HPGDS: variants seen among roughly 807,000 people sequenced by gnomAD.
HPGDS encodes the protein hematopoietic prostaglandin D synthase.
A neutral mutation model predicts 23.1 loss-of-function variants in HPGDS; 26 were observed. The ratio of observed to expected loss-of-function variants is 1.13; its 90% CI spans 0.83 to 1.56. The LOEUF is 1.56. Ranked by LOEUF, HPGDS falls within the 40% of genes most tolerant of loss-of-function variation. The pLI is 0.00. For missense variants in HPGDS, 268 were observed against 236.4 expected (o/e 1.13, Z -0.88); for synonymous variants, 95 against 77.9 (o/e 1.22, Z -1.16).
At chr4:94,328,757 A>T (rs906025491) in intron 2 of HPGDS, among the ~76,000 whole-genome samples, 6 of 152,192 alleles carry the variant, frequency 3.9e-5, no homozygotes, top group African/African-American at 1.4e-4. Flanking sequence ...ATACTTTGCC[A>T]TGTGTATTGA....
At chr4:94,299,958 C>T (rs1234021761) in intron 5 of HPGDS, among the ~76,000 whole-genome samples, 1 of 152,140 alleles carries the variant, frequency 6.6e-6, no homozygotes, top group East Asian at 1.9e-4. Context: ...ATACATTTTC[C>T]TTATCCAATA....
At chr4:94,335,433 G>A (rs1720982318) in intron 1 of HPGDS, among the ~76,000 whole-genome samples, 1 of 152,136 alleles carries the variant, frequency 6.6e-6, no homozygotes, top group Non-Finnish European at 1.5e-5. Context: ...TTTATAAATG[G>A]TTAATGACTT....
intron 1 of HPGDS, among the ~76,000 whole-genome samples, chr4:94,339,448 T>C (rs1721090030): frequency 2.0e-5 from 3 of 152,308 alleles, no homozygotes; most frequent in Admixed American, 1.3e-4. Context: ...AGCAGATAGA[T>C]AAAAAGCTCA....
At chr4:94,326,411 TTTTA>T (rs1756632501) in intron 2 of HPGDS, among the ~76,000 whole-genome samples, 1 of 152,162 alleles carries the variant, frequency 6.6e-6, no homozygotes, top group South Asian at 2.1e-4. Flanking sequence ...TTTTTCATTC[TTTTA>T]TTTTTTTCTT....
At chr4:94,334,233 C>G (rs1756784275) in intron 2 of HPGDS, 1 of 281,070 alleles carries the variant, frequency 3.6e-6, no homozygotes, top group African/African-American at 2.2e-5. Flanking sequence ...AACAAACAAA[C>G]AATGTCGCAT....
chr4:94,329,830 G>C (rs933700553), intron 2 of HPGDS, among the ~76,000 whole-genome samples: 12 of 152,198 alleles, frequency 7.9e-5, no homozygotes, highest in African/African-American at 2.9e-4. Context: ...AATAATCCCA[G>C]TGTTGTTGGA....
Position 94,309,728 on chromosome 4 carries a change from T to C in HPGDS, c.227-985A>G, listed in dbSNP as rs1399137237. ...ACACTGACTTCCACAATGGTTGAAC[T>C]AGTTTACAGTCCCACCAACAGTGTA... On this transcript the variant is annotated intron_variant, in intron 3 of 5. Coordinates refer to ENST00000295256, the MANE Select transcript of HPGDS (RefSeq NM_014485.3). 3.3e-5 allele frequency among the ~76,000 whole-genome samples: 5 copies of C among 151,880 alleles called. 1 individual carries two copies. The highest frequency in any genetic ancestry group is 4.2e-4 in the South Asian group (2 of 4,806).
At chr4:94,308,244 G>A (rs958127023) in intron 4 of HPGDS, among the ~76,000 whole-genome samples, 4 of 152,110 alleles carry the variant, frequency 2.6e-5, no homozygotes, top group South Asian at 2.1e-4. Flanking sequence ...TGTTATCTTG[G>A]TACTTAAAAC....
intron 3 of HPGDS, among the ~76,000 whole-genome samples, chr4:94,313,503 A>G (rs2126038556): frequency 6.6e-6 from 1 of 152,312 alleles, no homozygotes; most frequent in African/African-American, 2.4e-5. Flanking sequence ...CTGCTGAGAG[A>G]TCAGCTGTTA....
In HPGDS at chr4:94,299,338, A is replaced by G; in HGVS notation, c.*142T>C. On this transcript the variant is annotated 3_prime_UTR_variant, in exon 6 of 6. Transcript: ENST00000295256. ...AAGATTTGTTTTTATTTTCCTTTTT[A>G]AAAATCAGAATATGGCTAAAGTGAA... 1 of 683,276 alleles carries G rather than the reference A, an allele frequency of 1.5e-6. No individual in the cohort carries two copies. Among genetic ancestry groups the G allele is most frequent in the Non-Finnish European group, 2.3e-6 (1 of 432,288 alleles). The allele number at this position is 683,276 out of a possible 1,614,324, so 42.3% of individuals were successfully genotyped here.
At chr4:94,331,035 T>C (rs1756726516) in intron 2 of HPGDS, among the ~76,000 whole-genome samples, 1 of 152,158 alleles carries the variant, frequency 6.6e-6, no homozygotes, top group Non-Finnish European at 1.5e-5. Context: ...AACAACCAGA[T>C]TGGTTACAGC....
At chr4:94,318,709 A>T (rs964178997) in intron 2 of HPGDS, among the ~76,000 whole-genome samples, 1 of 152,060 alleles carries the variant, frequency 6.6e-6, no homozygotes. Context: ...TCTGTAGCTT[A>T]TGGATTAAAA....
Position 94,320,003 on chromosome 4 carries a change from C to T in HPGDS, c.134-2038G>A, listed in dbSNP as rs1292860490. On this transcript the variant is annotated intron_variant, in intron 2 of 5. Transcript: ENST00000295256. ...TTCAGTTCCCACCTATGAGTGAGAA[C>T]ATGCAGTGTTTGGTTTTCTGTCCTT... Among the ~76,000 whole-genome samples, 8 of 152,264 alleles carry T rather than the reference C, an allele frequency of 5.3e-5. No homozygotes were observed. The South Asian group carries it at 8.3e-4, about 16-fold the overall frequency.
At chr4:94,320,802 A>G (rs1265798538) in intron 2 of HPGDS, among the ~76,000 whole-genome samples, 1 of 152,126 alleles carries the variant, frequency 6.6e-6, no homozygotes, top group Non-Finnish European at 1.5e-5. Context: ...TTTTGTTGCC[A>G]TTGCTTTTGG....
chr4:94,339,962 C>A (rs1031166202), intron 1 of HPGDS, among the ~76,000 whole-genome samples: 3 of 152,124 alleles, frequency 2.0e-5, no homozygotes, highest in Admixed American at 2.0e-4. Flanking sequence ...CCTTCCTCTT[C>A]CGCTATGATG....
Position 94,317,390 on chromosome 4 carries a change from C to G in HPGDS, c.226+483G>C, listed in dbSNP as rs1280394057. On this transcript the variant is annotated intron_variant, in intron 3 of 5. Coordinates refer to ENST00000295256, the MANE Select transcript of HPGDS (RefSeq NM_014485.3). The stretch of plus-strand genomic sequence containing the variant: ...TGCAACAATCCGGAAGCCAAGTATC[C>G]CCTTCAAGTTTCCTCAGATGGCACT... Among the ~76,000 whole-genome samples, 3 of 152,070 alleles carry G rather than the reference C, an allele frequency of 2.0e-5. No homozygotes were observed. The East Asian group carries it at 5.8e-4, about 29-fold the overall frequency.
At chr4:94,341,538 A>G (rs1227543897) in intron 1 of HPGDS, among the ~76,000 whole-genome samples, 1 of 152,254 alleles carries the variant, frequency 6.6e-6, no homozygotes, top group African/African-American at 2.4e-5. Context: ...CAAATGAGGA[A>G]TTAAGTATTG....
chr4:94,312,555 C>T lies in HPGDS; in HGVS notation c.227-3812G>A, dbSNP rs1415561997. 2.6e-5 allele frequency among the ~76,000 whole-genome samples: 4 copies of T among 152,282 alleles called. No homozygotes were observed. In the East Asian group the frequency reaches 5.8e-4, roughly 22 times the overall value. On this transcript the variant is annotated intron_variant, in intron 3 of 5. Transcript: ENST00000295256. ...ACATTTGCTGAGGAGTGCTTTACTT[C>T]CAACTATGTGGTCAACTTTGGAGTA...
Position 94,299,346 on chromosome 4 carries a change from G to A in HPGDS, c.*134C>T. The A allele has an allele frequency of 1.4e-6, 1 of 727,450 alleles. No individual in the cohort carries two copies. The highest frequency in any genetic ancestry group is 2.1e-6 in the Non-Finnish European group (1 of 466,540). The allele number at this position is 727,450 out of a possible 1,614,324, so 45.1% of individuals were successfully genotyped here. A position where few individuals can be genotyped will look rare whatever the true frequency, so the allele number is the denominator to read the frequency against. ...TTTTTATTTTCCTTTTTAAAAATCAGAATATGGCTAAAGTGAAAATCTTAG... is the reference window on the plus strand; with the variant it reads ...TTTTTATTTTCCTTTTTAAAAATCAAAATATGGCTAAAGTGAAAATCTTAG... On this transcript the variant is annotated 3_prime_UTR_variant, in exon 6 of 6. Transcript: ENST00000295256.
Sources: gnomAD v4.1 joint callset for allele counts (sites outside exome capture counted in the v4.1 genomes callset) on GRCh38, gnomAD v4.1.1 for gene constraint, MANE v1.5 for transcripts, NCBI Gene and HGNC (gene_info 2026-07-23, HGNC 2026-07-21) for gene names.